CFAP92: variants seen among roughly 807,000 people sequenced by gnomAD.
CFAP92 encodes the protein cilia and flagella associated protein 92 (putative), also known as uncharacterized protein CFAP92.
CFAP92 carries 86 observed loss-of-function variants against 106.3 expected under a neutral mutation model. The observed-to-expected ratio is 0.81, with a 90% CI of 0.68 to 0.97. CFAP92 has a LOEUF of 0.97. CFAP92 is among the 50% of genes least tolerant of loss of function. The pLI, the probability that CFAP92 is intolerant of heterozygous loss-of-function variation, is 0.00. For synonymous variants in CFAP92, 477 were observed against 506.4 expected (o/e 0.94, Z 0.78); for missense variants, 1,204 against 1,283.8 (o/e 0.94, Z 0.95).
chr3:128,971,834 C>G (rs1223835710), intron 7 of CFAP92, among the ~76,000 whole-genome samples: 3 of 152,156 alleles, frequency 2.0e-5, no homozygotes, highest in African/African-American at 7.2e-5. Context: ...CAGTCTGAGC[C>G]TCAGTAACCT....
the CFAP92 span, among the ~76,000 whole-genome samples, chr3:129,012,650 C>T: frequency 6.6e-6 from 1 of 152,164 alleles, no homozygotes; most frequent in Non-Finnish European, 1.5e-5. Context: ...TTGGCCCGGA[C>T]CAGGGCACAC....
chr3:128,929,049 A>G (rs930424639), intron 12 of CFAP92, among the ~76,000 whole-genome samples: 2 of 152,190 alleles, frequency 1.3e-5, no homozygotes, highest in South Asian at 2.1e-4. Context: ...CCTGAGCCCA[A>G]GGGGTTCAAG....
chr3:129,004,118 C>T, upstream of CFAP92: 1 of 1,442,162 alleles, frequency 6.9e-7, no homozygotes, highest in Non-Finnish European at 9.1e-7. Context: ...TTCCCCAATT[C>T]GGCTCCCATT....
intron 7 of CFAP92, among the ~76,000 whole-genome samples, chr3:128,971,879 T>A (rs1352555964): frequency 6.6e-6 from 1 of 152,152 alleles, no homozygotes; most frequent in Non-Finnish European, 1.5e-5. Context: ...ACCTGCCTTC[T>A]AGGACACTGA....
At chr3:128,947,095 A>T (rs189848690) in intron 9 of CFAP92, among the ~76,000 whole-genome samples, 2 of 152,276 alleles carry the variant, frequency 1.3e-5, no homozygotes, top group Admixed American at 1.3e-4. Flanking sequence ...CGGCTGGAGC[A>T]GGGAGGACTG....
chr3:128,924,914 CAATA>C (rs1383400626), intron 12 of CFAP92, among the ~76,000 whole-genome samples: 2 of 151,896 alleles, frequency 1.3e-5, no homozygotes, highest in Non-Finnish European at 2.9e-5. Flanking sequence ...GTTTGATCAC[CAATA>C]AATAGTGCAG....
chr3:129,000,309 A>G (rs1944663319), intron 1 of CFAP92, among the ~76,000 whole-genome samples: 1 of 152,264 alleles, frequency 6.6e-6, no homozygotes, highest in African/African-American at 2.4e-5. Context: ...CCCAGCAGAT[A>G]TGTACTCTGG....
At chr3:129,004,010 C>G (rs1358310889), upstream of CFAP92, 12 of 1,506,676 alleles carry the variant, frequency 8.0e-6, no homozygotes, top group Non-Finnish European at 9.7e-6. Context: ...GCTGGAGGCG[C>G]TGGCGCAACA....
intron 1 of CFAP92, chr3:129,001,825 T>C: frequency 6.5e-7 from 1 of 1,545,554 alleles, no homozygotes; most frequent in Non-Finnish European, 8.7e-7. Context: ...TTCCACCACC[T>C]GGACTGCCGC....
chr3:128,914,201 C>T (rs1474310886), intron 15 of CFAP92, among the ~76,000 whole-genome samples: 1 of 152,162 alleles, frequency 6.6e-6, no homozygotes, highest in Non-Finnish European at 1.5e-5. Context: ...ACTAGGAAGC[C>T]TTCTTACCAA....
chr3:128,925,400 C>T (rs1450365640), intron 12 of CFAP92, among the ~76,000 whole-genome samples: 7 of 152,184 alleles, frequency 4.6e-5, no homozygotes, highest in Non-Finnish European at 1.0e-4. Context: ...TCCTGTTGTG[C>T]CACCCAGTTT....
rs1395530931 is a variant in CFAP92 at position 128,968,249 on chromosome 3, CTATGCAATACTATCCTTTTAAAA to C, written c.1169-2577_1169-2555del. ...TGTTGGGCTAAGTGGGGCCCCTCCG[CTATGCAATACTATCCTTTTAAAA>C]TAAGAGCTCATTCCCAGACACAGAA... is the stretch of plus-strand genomic sequence containing the variant. On this transcript the variant is annotated intron_variant, in intron 8 of 15. Coordinates refer to ENST00000645291, the MANE Select transcript of CFAP92 (RefSeq NM_001394090.1). 3 of 152,166 alleles carry C rather than the reference CTATGCAATACTATCCTTTTAAAA, an allele frequency of 2.0e-5. No individual in the cohort carries two copies. In the East Asian group the frequency reaches 5.8e-4, roughly 29 times the overall value. 9.4% of individuals were successfully genotyped at this position (152,166 alleles called of 1,614,324 possible).
At position 128,978,041 on chromosome 3, in the gene CFAP92, T is replaced by G. The variant is rs764181999; in HGVS notation, c.808+4A>C. ...GCTTGTCCACAAAGGCCTTCTCCGCTCACCTTGCAAAGACTTTGGGTGTTT... is the reference window on the plus strand; with the variant it reads ...GCTTGTCCACAAAGGCCTTCTCCGCGCACCTTGCAAAGACTTTGGGTGTTT... On this transcript the variant is annotated splice_donor_region_variant and intron_variant, in intron 5 of 15. Coordinates refer to ENST00000645291, the MANE Select transcript of CFAP92 (RefSeq NM_001394090.1). 1 of 1,613,910 alleles carries G rather than the reference T, an allele frequency of 6.2e-7. No individual in the cohort carries two copies. The highest frequency in any genetic ancestry group is 1.7e-5 in the Admixed American group (1 of 60,016).
chr3:128,963,248 C>G (rs943745550), intron 9 of CFAP92, among the ~76,000 whole-genome samples: 2 of 152,186 alleles, frequency 1.3e-5, no homozygotes, highest in Admixed American at 6.6e-5. Context: ...ATGCTTAGTG[C>G]GGTCAGAATT....
chr3:128,993,271 G>C lies in CFAP92; in HGVS notation c.34C>G (p.Pro12Ala). 6.2e-7 allele frequency: 1 copy of C among 1,613,782 alleles called. No homozygotes were observed. The highest frequency in any genetic ancestry group is 8.5e-7 in the Non-Finnish European group (1 of 1,179,838). Residue 12 changes from proline (P) to alanine (A), a missense_variant, in exon 2 of 16, where the codon CCC becomes GCC. By Grantham distance (27) the Pro-to-Ala change is conservative. Coordinates refer to ENST00000645291, the MANE Select transcript of CFAP92 (RefSeq NM_001394090.1). ...GAGGAGATGGGCTCTATGCTTGCGG[G>C]GTCCTCTTCCCACTCCCAGGCATGT... The part of the protein sequence containing the change: ...SLHAWEWEED[P>A]ASIEPISSIT...
chr3:128,911,261 T>G (rs1219173135), intron 15 of CFAP92, among the ~76,000 whole-genome samples: 1 of 152,282 alleles, frequency 6.6e-6, no homozygotes, highest in Middle Eastern at 3.4e-3. Context: ...TTTCACCATG[T>G]TAGCCAGGCT....
the CFAP92 span, among the ~76,000 whole-genome samples, chr3:129,015,417 T>C: frequency 3.9e-5 from 6 of 152,018 alleles, no homozygotes; most frequent in Non-Finnish European, 1.5e-5. Flanking sequence ...GGTCTGCTCC[T>C]TCGGGGGGGG....
chr3:128,989,756 A>T (rs1944097713), intron 2 of CFAP92, among the ~76,000 whole-genome samples: 1 of 152,230 alleles, frequency 6.6e-6, no homozygotes, highest in African/African-American at 2.4e-5. Context: ...TAACCCCAGG[A>T]GACTGCTGCA....
intron 1 of CFAP92, among the ~76,000 whole-genome samples, chr3:128,999,161 C>T (rs1944590106): frequency 6.6e-6 from 1 of 152,218 alleles, no homozygotes; most frequent in African/African-American, 2.4e-5. Context: ...CACACAGACA[C>T]ACGCCCATCC....
Sources: gnomAD v4.1 joint callset for allele counts (sites outside exome capture counted in the v4.1 genomes callset) on GRCh38, gnomAD v4.1.1 for gene constraint, MANE v1.5 for transcripts, NCBI Gene and HGNC (gene_info 2026-07-23, HGNC 2026-07-21) for gene names.